Variants in EFCAB6 observed in about 807,000 individuals in gnomAD.
The protein encoded by EFCAB6 is EF-hand calcium-binding domain-containing protein 6.
EFCAB6 carries 156 observed loss-of-function variants against 169.8 expected under a neutral mutation model. The observed-to-expected ratio is 0.92, with a 90% confidence interval of 0.81 to 1.05. The LOEUF is 1.05. Among genes scored for constraint, EFCAB6 ranks in the 50% least tolerant of loss-of-function variants. EFCAB6 has a pLI of 0.00. For synonymous variants in EFCAB6, 698 were observed against 676.4 expected (o/e 1.03, Z -0.50); for missense variants, 1,800 against 1,829.1 (o/e 0.98, Z 0.29).
intron 2 of EFCAB6, among the ~76,000 whole-genome samples, chr22:43,793,071 A>G (rs544255400): frequency 6.6e-6 from 1 of 152,288 alleles, no homozygotes; most frequent in Admixed American, 6.5e-5. Context: ...CTCATGCCTT[A>G]TTACACCACC....
intron 26 of EFCAB6, among the ~76,000 whole-genome samples, chr22:43,565,155 G>A (rs2294710): frequency 0.011 from 1,631 of 152,318 alleles, 20 homozygotes; most frequent in East Asian, 0.065. Flanking sequence ...GAGCATTTGC[G>A]TAATTGGGCA....
At chr22:43,588,734 G>A (rs556814818) in intron 24 of EFCAB6, among the ~76,000 whole-genome samples, 12 of 152,258 alleles carry the variant, frequency 7.9e-5, no homozygotes, top group South Asian at 4.1e-4. Context: ...ATTAGCTGAC[G>A]TGTCTCGATG....
At chr22:43,600,792 T>C (rs944147924) in intron 22 of EFCAB6, among the ~76,000 whole-genome samples, 1 of 151,980 alleles carries the variant, frequency 6.6e-6, no homozygotes, top group Admixed American at 6.6e-5. Flanking sequence ...GCCTCCCGAG[T>C]AGCTGGGATT....
intron 10 of EFCAB6, among the ~76,000 whole-genome samples, chr22:43,702,013 G>T (rs2058784249): frequency 6.6e-6 from 1 of 152,046 alleles, no homozygotes; most frequent in South Asian, 2.1e-4. Flanking sequence ...CCAATGGGGG[G>T]GATGTGAAGA....
intron 6 of EFCAB6, among the ~76,000 whole-genome samples, chr22:43,740,057 G>A (rs1000300007): frequency 4.0e-5 from 6 of 150,600 alleles, no homozygotes; most frequent in African/African-American, 1.5e-4. Context: ...TGCTCCCCAT[G>A]ACTGCTCAGC....
At chr22:43,766,637 C>T (rs977752834) in intron 4 of EFCAB6, among the ~76,000 whole-genome samples, 4 of 152,056 alleles carry the variant, frequency 2.6e-5, no homozygotes, top group African/African-American at 9.7e-5. Flanking sequence ...GCCTCAGCCT[C>T]CCGAGAGCTT....
chr22:43,718,462 T>C (rs968201), intron 8 of EFCAB6, among the ~76,000 whole-genome samples: 115,848 of 152,098 alleles, frequency 0.76, 44,264 homozygotes, highest in East Asian at 0.86. Context: ...CTCTGGGCTA[T>C]ATAATAAAAG....
At chr22:43,581,161 T>C (rs1265320088) in intron 24 of EFCAB6, among the ~76,000 whole-genome samples, 1 of 152,048 alleles carries the variant, frequency 6.6e-6, no homozygotes, top group African/African-American at 2.4e-5. Context: ...GGGGGGCTCC[T>C]GGGGTCATGG....
intron 10 of EFCAB6, among the ~76,000 whole-genome samples, chr22:43,704,135 CAT>C (rs1338760410): frequency 2.0e-5 from 3 of 151,782 alleles, no homozygotes; most frequent in Non-Finnish European, 4.4e-5. Context: ...ATTAAAAAAA[CAT>C]ATCACATACA....
intron 13 of EFCAB6, among the ~76,000 whole-genome samples, chr22:43,676,528 C>A (rs529272750): frequency 6.6e-6 from 1 of 151,808 alleles, no homozygotes; most frequent in African/African-American, 2.4e-5. Flanking sequence ...GTGTAACTAT[C>A]GCTGAGTGTT....
intron 8 of EFCAB6, among the ~76,000 whole-genome samples, chr22:43,730,817 T>G (rs1406963283): frequency 6.6e-6 from 1 of 152,204 alleles, no homozygotes; most frequent in Non-Finnish European, 1.5e-5. Context: ...CTTCGAAAAC[T>G]AGAGCACTGG....
At chr22:43,667,775 T>C (rs2057328217) in intron 16 of EFCAB6, among the ~76,000 whole-genome samples, 1 of 152,174 alleles carries the variant, frequency 6.6e-6, no homozygotes, top group South Asian at 2.1e-4. Context: ...ACAAATCGGC[T>C]TGATTTATAA....
At chr22:43,571,803 G>A (rs1302053263) in intron 26 of EFCAB6, among the ~76,000 whole-genome samples, 2 of 152,094 alleles carry the variant, frequency 1.3e-5, no homozygotes, top group African/African-American at 2.4e-5. Context: ...AACTGCTTGC[G>A]GTCACCCCTT....
intron 26 of EFCAB6, among the ~76,000 whole-genome samples, chr22:43,575,163 A>G (rs2050156620): frequency 1.4e-5 from 2 of 143,370 alleles, no homozygotes; most frequent in African/African-American, 2.5e-5. Flanking sequence ...ATATTCAGTT[A>G]ATAGACTGTT....
intron 6 of EFCAB6, among the ~76,000 whole-genome samples, chr22:43,741,573 C>A (rs2060372274): frequency 6.6e-6 from 1 of 152,192 alleles, no homozygotes; most frequent in African/African-American, 2.4e-5. Flanking sequence ...TGTTTATTGT[C>A]TTTCTTCCTC....
At chr22:43,777,417 T>C (rs2061675300) in intron 3 of EFCAB6, among the ~76,000 whole-genome samples, 1 of 152,184 alleles carries the variant, frequency 6.6e-6, no homozygotes, top group African/African-American at 2.4e-5. Context: ...AACAGAGGAA[T>C]GAGCACAGCC....
chr22:43,671,925 G>A (rs771287188), intron 15 of EFCAB6, 48 bp downstream of exon 15: 101 of 1,597,596 alleles, frequency 6.3e-5, no homozygotes, highest in Middle Eastern at 1.7e-4. Context: ...TATGGAACAG[G>A]CCTGATGAAA....
intron 21 of EFCAB6, among the ~76,000 whole-genome samples, chr22:43,610,587 A>C (rs137961697): frequency 6.6e-6 from 1 of 152,358 alleles, no homozygotes; most frequent in Admixed American, 6.5e-5. Flanking sequence ...CTGGGCCTTT[A>C]CAGAAAAAGT....
intron 2 of EFCAB6, among the ~76,000 whole-genome samples, chr22:43,787,839 C>T (rs1390430361): frequency 6.6e-6 from 1 of 151,932 alleles, no homozygotes; most frequent in African/African-American, 2.4e-5. Context: ...TTTATACTTC[C>T]CGATTTCAAA....
Sources: allele counts gnomAD v4.1 joint callset (sites outside exome capture counted in the v4.1 genomes callset), GRCh38; gene constraint gnomAD v4.1.1; transcripts MANE v1.5; gene names NCBI Gene and HGNC (gene_info 2026-07-23, HGNC 2026-07-21).